The following ZBTB38 variants were observed in gnomAD, a reference collection of about 807,000 sequenced individuals.
The protein encoded by ZBTB38 is zinc finger and BTB domain containing 38, also known as zinc finger and BTB domain-containing protein 38.
In ZBTB38, 20 loss-of-function variants were observed where a neutral mutation model predicts 76.8. That is an observed-to-expected ratio of 0.26 (90% CI 0.18 to 0.38). ZBTB38 has a LOEUF of 0.38. Among genes scored for constraint, ZBTB38 ranks in the 10% least tolerant of loss-of-function variants. ZBTB38 has a pLI of 1.00. For synonymous variants in ZBTB38, 504 were observed against 544.2 expected (o/e 0.93, Z 1.03); for missense variants, 1,082 against 1,482.3 (o/e 0.73, Z 4.43).
intron 5 of ZBTB38, among the ~76,000 whole-genome samples, chr3:141,412,972 A>T (rs1577194328): frequency 6.6e-6 from 1 of 152,280 alleles, no homozygotes; most frequent in Admixed American, 6.5e-5. Flanking sequence ...GCCTATGAAG[A>T]GGCGACTTTC....
At chr3:141,364,549 T>G (rs1441330368), upstream of ZBTB38, among the ~76,000 whole-genome samples, 1 of 151,100 alleles carries the variant, frequency 6.6e-6, no homozygotes, top group Non-Finnish European at 1.5e-5. Context: ...TGGTGGCACA[T>G]GCCTGTAATC....
chr3:141,423,782 C>T (rs1055588640), intron 5 of ZBTB38, among the ~76,000 whole-genome samples: 1 of 152,030 alleles, frequency 6.6e-6, no homozygotes. Context: ...AAAATACAAA[C>T]TAATGAATCC....
intron 4 of ZBTB38, chr3:141,389,743 C>T (rs1326200338): frequency 6.6e-6 from 1 of 152,120 alleles, no homozygotes; most frequent in African/African-American, 2.4e-5. Context: ...TTTGATAGGC[C>T]AGTACAAAGT....
intron 1 of ZBTB38, among the ~76,000 whole-genome samples, chr3:141,369,392 T>G (rs778990609): frequency 7.9e-5 from 12 of 152,360 alleles, no homozygotes; most frequent in South Asian, 4.1e-4. Context: ...TCATTCCTAC[T>G]TGTGCCATCG....
intron 5 of ZBTB38, among the ~76,000 whole-genome samples, chr3:141,434,840 T>C (rs2078393426): frequency 6.6e-6 from 1 of 151,906 alleles, no homozygotes; most frequent in Admixed American, 6.6e-5. Context: ...ATTTTATATT[T>C]AATTTATATA....
At chr3:141,375,332 A>T (rs369321716) in intron 2 of ZBTB38, among the ~76,000 whole-genome samples, 1 of 152,256 alleles carries the variant, frequency 6.6e-6, no homozygotes. Flanking sequence ...CAAAGGGCCC[A>T]GAGTCACCCA....
Position 141,416,981 on chromosome 3 carries a change from G to A in ZBTB38, c.-1+12950G>A, listed in dbSNP as rs895348479. 4.6e-5 allele frequency among the ~76,000 whole-genome samples: 7 copies of A among 152,164 alleles called. No individual in the cohort carries two copies. In the South Asian group the frequency reaches 1.5e-3, roughly 32 times the overall value. On this transcript the variant is annotated intron_variant, in intron 5 of 5. Coordinates refer to ENST00000321464, the MANE Select transcript of ZBTB38 (RefSeq NM_001376113.1). ...GTTGTTTTAAGTCACCAAGTTTGAG[G>A]TAATTTGTTACAGCGGCCCCAGGAA...
At position 141,446,019 on chromosome 3, in the gene ZBTB38, T is replaced by A. The variant is rs1167662157; in HGVS notation, c.*43T>A. Reference sequence around the variant, plus strand: ...AATCTTCAAAAATATAGTTGGTGGTTTTTTTAGTTATGATTTAAGTTTAGT... The same window carrying A: ...AATCTTCAAAAATATAGTTGGTGGTATTTTTAGTTATGATTTAAGTTTAGT... On this transcript the variant is annotated 3_prime_UTR_variant, in exon 6 of 6. Coordinates refer to ENST00000321464, the MANE Select transcript of ZBTB38 (RefSeq NM_001376113.1). 2 of 1,488,748 alleles carry A rather than the reference T, an allele frequency of 1.3e-6. No homozygotes were observed. Among genetic ancestry groups the A allele is most frequent in the Non-Finnish European group, 9.0e-7 (1 of 1,116,886 alleles). 92.2% of individuals were successfully genotyped at this position (1,488,748 alleles called of 1,614,324 possible).
At position 141,442,883 on chromosome 3, in the gene ZBTB38, A is replaced by G; in HGVS notation, c.495A>G (p.Thr165=). 6.2e-7 allele frequency: 1 copy of G among 1,614,256 alleles called. No individual in the cohort carries two copies. Among genetic ancestry groups the G allele is most frequent in the East Asian group, 2.2e-5 (1 of 44,886 alleles). ...EPAITNGPRI[T]NAFSIIETEN... Reference sequence around the variant, plus strand: ...CCATCACTAATGGGCCAAGGATCACAAATGCATTTTCCATCATCGAAACAG... The same window carrying G: ...CCATCACTAATGGGCCAAGGATCACGAATGCATTTTCCATCATCGAAACAG... Residue 165 remains threonine, a synonymous_variant, in exon 6 of 6, where the codon ACA becomes ACG. Transcript: ENST00000321464. This position sits in a 1 kb window ranked among gnomAD's most constrained non-coding sequence, Gnocchi z 6.4.
At chr3:141,408,050 T>G (rs905722605) in intron 5 of ZBTB38, among the ~76,000 whole-genome samples, 1 of 152,202 alleles carries the variant, frequency 6.6e-6, no homozygotes, top group Non-Finnish European at 1.5e-5. Flanking sequence ...TGGCCAGAGT[T>G]TGCAAAACCA....
intron 5 of ZBTB38, among the ~76,000 whole-genome samples, chr3:141,441,476 T>C: frequency 6.6e-6 from 1 of 152,240 alleles, no homozygotes; most frequent in Non-Finnish European, 1.5e-5. Context: ...TTGAAAACCC[T>C]AGTCTACTTT....
intron 5 of ZBTB38, among the ~76,000 whole-genome samples, chr3:141,421,994 A>T (rs2075488710): frequency 6.6e-6 from 1 of 152,230 alleles, no homozygotes; most frequent in African/African-American, 2.4e-5. Context: ...AAGGAACCCC[A>T]AAACACAACC....
chr3:141,404,603 T>C (rs919545078), intron 5 of ZBTB38, among the ~76,000 whole-genome samples: 1 of 152,154 alleles, frequency 6.6e-6, no homozygotes, highest in Non-Finnish European at 1.5e-5. Flanking sequence ...ATGGTGACAA[T>C]AACAACTACC....
At chr3:141,373,209 A>C (rs1421707884) in intron 2 of ZBTB38, among the ~76,000 whole-genome samples, 3 of 152,260 alleles carry the variant, frequency 2.0e-5, no homozygotes, top group Non-Finnish European at 4.4e-5. Context: ...GCATCAAAGG[A>C]GACAGCCTGG....
At chr3:141,364,217 G>A (rs920795864), upstream of ZBTB38, among the ~76,000 whole-genome samples, 10 of 144,768 alleles carry the variant, frequency 6.9e-5, no homozygotes, top group East Asian at 2.1e-4. Context: ...ACCTGAGGTC[G>A]GGAGTTCAAG....
chr3:141,424,103 G>C (rs1291979786), intron 5 of ZBTB38, among the ~76,000 whole-genome samples: 1 of 152,190 alleles, frequency 6.6e-6, no homozygotes, highest in Non-Finnish European at 1.5e-5. Flanking sequence ...GATTTAAGAG[G>C]ATAAGTCCAC....
intron 4 of ZBTB38, chr3:141,389,597 T>C (rs1948229605): frequency 6.6e-6 from 1 of 152,160 alleles, no homozygotes; most frequent in Non-Finnish European, 1.5e-5. Flanking sequence ...TGCCTATTTT[T>C]TTTAGTACCA....
rs763296738 is a variant in ZBTB38 at position 141,445,887 on chromosome 3, A to G, written c.3499A>G (p.Asn1167Asp). 1.1e-5 allele frequency: 18 copies of G among 1,610,904 alleles called. No homozygotes were observed. Among genetic ancestry groups the G allele is most frequent in the Admixed American group, 1.7e-5 (1 of 60,010 alleles). The change falls in exon 6 of 6, where the codon AAT becomes GAT. Residue 1167 changes from asparagine to aspartate, a missense_variant. By Grantham distance (23) the Asn-to-Asp change is conservative. Around this residue, in one of 8 missense-constraint regions of ZBTB38, gnomAD observed 54 missense variants for 57.9 expected, o/e 0.93. Coordinates refer to ENST00000321464, the MANE Select transcript of ZBTB38 (RefSeq NM_001376113.1). The surrounding 1 kb of genome is among the most constrained non-coding windows in gnomAD (Gnocchi z 6.5). ...AGGTGACGTGTGCCACGAAAACTCA[A>G]ATCCCTTGGAGAATCAACATTTCAT... The part of the protein sequence containing the change: ...KIGDVCHENS[N>D]PLENQHFIGS...
rs781758965 is a variant in ZBTB38 at position 141,444,252 on chromosome 3, G to A, written c.1864G>A (p.Val622Ile). ...ACCAACGCTGAATTTCCAAGATACTGTAAACACCCTGACCAACAGTCCAGC... is the reference window on the plus strand; with the variant it reads ...ACCAACGCTGAATTTCCAAGATACTATAAACACCCTGACCAACAGTCCAGC... ...ELPTLNFQDT[V>I]NTLTNSPAIP... Residue 622 changes from valine to isoleucine, a missense_variant, in exon 6 of 6, where the codon GTA (valine) becomes ATA (isoleucine). By Grantham distance (29) the Val-to-Ile change is conservative. Coordinates refer to ENST00000321464, the MANE Select transcript of ZBTB38 (RefSeq NM_001376113.1). This position sits in a 1 kb window ranked among gnomAD's most constrained non-coding sequence, Gnocchi z 5.1. 1.8e-5 allele frequency: 29 copies of A among 1,614,032 alleles called. No homozygotes were observed. Among genetic ancestry groups the A allele is most frequent in the Non-Finnish European group, 2.4e-5 (28 of 1,180,034 alleles).
Sources: allele counts gnomAD v4.1 joint callset (sites outside exome capture counted in the v4.1 genomes callset), GRCh38; gene constraint gnomAD v4.1.1; regional missense constraint gnomAD v4.1.1; non-coding constraint Gnocchi (gnomAD v3.1); transcripts MANE v1.5; gene names NCBI Gene and HGNC (gene_info 2026-07-23, HGNC 2026-07-21).